Variants in MYO18B observed in about 807,000 individuals in gnomAD.
MYO18B encodes the protein unconventional myosin-XVIIIb.
A neutral mutation model predicts 273.0 loss-of-function variants in MYO18B; 204 were observed. The observed-to-expected ratio is 0.75, with a 90% CI of 0.67 to 0.84. MYO18B has a LOEUF of 0.84. Among genes scored for constraint, MYO18B ranks in the 40% least tolerant of loss-of-function variants. The pLI is 0.00. For missense variants in MYO18B, 3,212 were observed against 3,287.6 expected (o/e 0.98, Z 0.56); for synonymous variants, 1,330 against 1,305.7 (o/e 1.02, Z -0.40).
intron 21 of MYO18B, among the ~76,000 whole-genome samples, chr22:25,863,868 C>T (rs2090811738): frequency 6.6e-6 from 1 of 152,166 alleles, no homozygotes; most frequent in Non-Finnish European, 1.5e-5. Flanking sequence ...TAGCCTGGAG[C>T]CAGGAATATG....
chr22:25,972,071 TGCCACTGCATTCCA>T (rs2093040880), intron 39 of MYO18B, among the ~76,000 whole-genome samples: 1 of 151,560 alleles, frequency 6.6e-6, no homozygotes, highest in Admixed American at 6.6e-5. Flanking sequence ...CTGGGATTCA[TGCCACTGCATTCCA>T]GCCTGGGTGA....
At chr22:25,923,981 C>G (rs1037108427) in intron 34 of MYO18B, among the ~76,000 whole-genome samples, 2 of 152,100 alleles carry the variant, frequency 1.3e-5, no homozygotes, top group Admixed American at 1.3e-4. Flanking sequence ...AATCAAAGAG[C>G]CTCATTCTTC....
chr22:25,879,617 A>G (rs1475811223), intron 25 of MYO18B, among the ~76,000 whole-genome samples: 3 of 152,198 alleles, frequency 2.0e-5, no homozygotes, highest in Non-Finnish European at 2.9e-5. Flanking sequence ...TACATGAATC[A>G]GACAGTTCCC....
chr22:25,978,060 C>A (rs2093111590), intron 39 of MYO18B, among the ~76,000 whole-genome samples: 1 of 152,182 alleles, frequency 6.6e-6, no homozygotes, highest in Non-Finnish European at 1.5e-5. Context: ...CTTCTAAGTT[C>A]TGAGTACTAC....
intron 12 of MYO18B, among the ~76,000 whole-genome samples, chr22:25,811,672 A>G (rs1322173592): frequency 1.3e-5 from 2 of 152,164 alleles, no homozygotes; most frequent in Non-Finnish European, 2.9e-5. Context: ...ACATTGCTTC[A>G]TAGTGATATT....
At chr22:26,024,659 A>G (rs1936104672) in intron 42 of MYO18B, among the ~76,000 whole-genome samples, 1 of 152,200 alleles carries the variant, frequency 6.6e-6, no homozygotes, top group African/African-American at 2.4e-5. Context: ...TCTTGTCCTC[A>G]TGAAGCCCTT....
intron 12 of MYO18B, among the ~76,000 whole-genome samples, chr22:25,814,272 T>C (rs1038269583): frequency 3.4e-5 from 5 of 146,984 alleles, no homozygotes; most frequent in African/African-American, 1.2e-4. Flanking sequence ...AATCAGTGCT[T>C]GCCATGCTCC....
At chr22:25,918,307 T>G (rs868539352) in intron 33 of MYO18B, among the ~76,000 whole-genome samples, 3 of 152,202 alleles carry the variant, frequency 2.0e-5, no homozygotes, top group Admixed American at 6.5e-5. Flanking sequence ...CCTTTGACAA[T>G]GGACATTTGA....
intron 31 of MYO18B, 132 bp downstream of exon 31, chr22:25,903,963 C>A (rs373328939): frequency 3.5e-5 from 33 of 946,042 alleles, no homozygotes; most frequent in South Asian, 2.6e-4. Flanking sequence ...TCCCAGGGAA[C>A]CTTTAAGCTC....
chr22:25,831,618 G>A (rs2089710205), intron 15 of MYO18B, among the ~76,000 whole-genome samples: 1 of 152,150 alleles, frequency 6.6e-6, no homozygotes, highest in African/African-American at 2.4e-5. Context: ...CCTGACCTCA[G>A]GTGATCCGCC....
intron 22 of MYO18B, among the ~76,000 whole-genome samples, chr22:25,869,861 T>G (rs994037007): frequency 6.6e-6 from 1 of 152,226 alleles, no homozygotes; most frequent in African/African-American, 2.4e-5. Flanking sequence ...AACCTGTTAT[T>G]CCGCTGTGAT....
At chr22:25,870,812 A>C (rs1410242053) in intron 22 of MYO18B, among the ~76,000 whole-genome samples, 1 of 152,096 alleles carries the variant, frequency 6.6e-6, no homozygotes, top group Admixed American at 6.6e-5. Flanking sequence ...ATTCCAATGC[A>C]CTCTCAAGTC....
At chr22:25,965,133 T>C (rs2092963235) in intron 39 of MYO18B, 1 of 152,268 alleles carries the variant, frequency 6.6e-6, no homozygotes, top group African/African-American at 2.4e-5. Flanking sequence ...AAATAGTTAA[T>C]AGGCAACCAC....
the MYO18B span, among the ~76,000 whole-genome samples, chr22:26,060,310 G>A: frequency 1.3e-5 from 2 of 152,184 alleles, no homozygotes; most frequent in South Asian, 2.1e-4. Context: ...CCTAAAGTAT[G>A]TACTACCTGG....
intron 24 of MYO18B, among the ~76,000 whole-genome samples, chr22:25,877,602 G>C (rs988627800): frequency 1.3e-5 from 2 of 152,056 alleles, no homozygotes; most frequent in Non-Finnish European, 2.9e-5. Flanking sequence ...CCAAGTAGCT[G>C]GGATCTCAGG....
chr22:25,905,460 G>C (rs1213436110), intron 31 of MYO18B, among the ~76,000 whole-genome samples: 1 of 152,202 alleles, frequency 6.6e-6, no homozygotes, highest in Non-Finnish European at 1.5e-5. Flanking sequence ...CTTAGTGTTA[G>C]GGGAATGTTG....
the MYO18B span, among the ~76,000 whole-genome samples, chr22:26,052,806 T>G: frequency 2.0e-5 from 3 of 147,724 alleles, no homozygotes; most frequent in African/African-American, 7.7e-5. Context: ...TTTTTTTTTT[T>G]GGTTTTTTTT....
At position 26,027,177 on chromosome 22, in the gene MYO18B, G is replaced by C. The variant is rs772112773; in HGVS notation, c.7203G>C (p.Lys2401Asn). 63 of 1,613,874 alleles carry C rather than the reference G, an allele frequency of 3.9e-5. No individual in the cohort carries two copies. The highest frequency in any genetic ancestry group is 7.6e-6 in the Non-Finnish European group (9 of 1,179,902). ...VDDAGCPDLGKEPLVFQNRQF... is the reference protein window; with the variant it reads ...VDDAGCPDLGNEPLVFQNRQF... The stretch of plus-strand genomic sequence containing the variant: ...ATGCGGGCTGTCCAGACCTTGGAAA[G>C]GAGCCGCTTGTTTTCCAGAACCGCC... Residue 2401 changes from lysine to asparagine, a missense_variant, in exon 43 of 44, where the codon AAG becomes AAC. Lys to Asn is a moderately conservative substitution (Grantham distance 94). Transcript: ENST00000335473. This position sits in a 1 kb window ranked among gnomAD's most constrained non-coding sequence, Gnocchi z 4.1.
intron 39 of MYO18B, among the ~76,000 whole-genome samples, chr22:25,977,883 C>G (rs1430030536): frequency 6.6e-6 from 1 of 152,164 alleles, no homozygotes; most frequent in African/African-American, 2.4e-5. Context: ...AACTGAGGGT[C>G]AAGTGGGTGA....
Sources: gnomAD v4.1 joint callset for allele counts (sites outside exome capture counted in the v4.1 genomes callset) on GRCh38, gnomAD v4.1.1 for gene constraint, Gnocchi (gnomAD v3.1) non-coding constraint, MANE v1.5 for transcripts, NCBI Gene and HGNC (gene_info 2026-07-23, HGNC 2026-07-21) for gene names.